Variants in FCHSD2 observed in about 807,000 individuals in gnomAD.
FCHSD2 encodes F-BAR and double SH3 domains protein 2.
Under a neutral mutation model 108.1 loss-of-function variants are expected in FCHSD2, and 38 were observed. The ratio of observed to expected loss-of-function variants is 0.35; its 90% CI spans 0.27 to 0.46. FCHSD2 has a LOEUF of 0.46. FCHSD2 is among the 20% of genes least tolerant of loss of function. FCHSD2 has a pLI of 1.00. For missense variants in FCHSD2, 751 were observed against 897.8 expected (o/e 0.84, Z 2.09); for synonymous variants, 279 against 314.7 (o/e 0.89, Z 1.20).
intron 3 of FCHSD2, among the ~76,000 whole-genome samples, chr11:73,032,830 C>G (rs1039387993): frequency 1.3e-5 from 2 of 152,032 alleles, no homozygotes; most frequent in African/African-American, 2.4e-5. Flanking sequence ...GGGAGAATGG[C>G]TTAAAGGTGA....
rs181787878 is a variant in FCHSD2, at chr11:72,889,253, G to A, written c.1041+576C>T. ...TGGGATTACAGGCGTGAGCCACCGC[G>A]CCCGGCTATAATTATGTCTTTTAAA... On this transcript the variant is annotated intron_variant, in intron 11 of 19. Coordinates refer to ENST00000409418, the MANE Select transcript of FCHSD2 (RefSeq NM_014824.3). Among the ~76,000 whole-genome samples the A allele has an allele frequency of 2.6e-3, 399 of 152,268 alleles. 3 individuals are homozygous for A. Among genetic ancestry groups the A allele is most frequent in the Non-Finnish European group, 4.7e-3 (319 of 68,018 alleles).
At chr11:73,095,039 C>A (rs1860043902) in intron 2 of FCHSD2, among the ~76,000 whole-genome samples, 1 of 152,136 alleles carries the variant, frequency 6.6e-6, no homozygotes, top group Non-Finnish European at 1.5e-5. Flanking sequence ...GAATGAAACA[C>A]AGACCCTGCT....
chr11:72,851,362 G>A (rs980998851), intron 13 of FCHSD2, among the ~76,000 whole-genome samples: 3 of 152,020 alleles, frequency 2.0e-5, no homozygotes, highest in African/African-American at 4.8e-5. Context: ...CAAACGCCTC[G>A]ACACAATCTA....
intron 2 of FCHSD2, among the ~76,000 whole-genome samples, chr11:73,110,225 CCCT>C (rs1276096320): frequency 2.0e-5 from 3 of 151,400 alleles, no homozygotes; most frequent in Non-Finnish European, 4.4e-5. Context: ...TAGGAATATT[CCCT>C]CCTCCTCTAT....
chr11:72,904,445 G>C (rs1855587890), intron 9 of FCHSD2, among the ~76,000 whole-genome samples: 1 of 152,096 alleles, frequency 6.6e-6, no homozygotes, highest in Non-Finnish European at 1.5e-5. Context: ...GACAACAATA[G>C]AATGTATCCT....
At chr11:72,846,425 C>A (rs1861144960) in intron 14 of FCHSD2, among the ~76,000 whole-genome samples, 1 of 152,064 alleles carries the variant, frequency 6.6e-6, no homozygotes, top group African/African-American at 2.4e-5. Context: ...CGCGATTCGC[C>A]CGCCTTGGCC....
intron 2 of FCHSD2, among the ~76,000 whole-genome samples, chr11:73,103,184 T>C (rs1350143860): frequency 1.3e-5 from 2 of 151,868 alleles, no homozygotes; most frequent in Admixed American, 1.3e-4. Flanking sequence ...GTCAACTACA[T>C]ATAATTACTA....
rs184875062 is a variant in FCHSD2, at chr11:73,003,370, T to C, written c.243-2236A>G. On this transcript the variant is annotated intron_variant, in intron 4 of 19. Coordinates refer to ENST00000409418, the MANE Select transcript of FCHSD2 (RefSeq NM_014824.3). ...CAGATTCTTTTAAATGAATACATAG[T>C]AACAGCAGCAGAATTGTAACAAATA... 2.0e-4 allele frequency among the ~76,000 whole-genome samples: 30 copies of C among 152,312 alleles called. No individual in the cohort carries two copies. The East Asian group carries it at 5.4e-3, about 27-fold the overall frequency.
chr11:72,903,482 G>C (rs996514966), intron 9 of FCHSD2, among the ~76,000 whole-genome samples: 7 of 152,152 alleles, frequency 4.6e-5, no homozygotes, highest in African/African-American at 7.2e-5. Flanking sequence ...GCCTCCTAAA[G>C]TGCTGGGATT....
chr11:73,136,181 A>C (rs921915632), intron 2 of FCHSD2, among the ~76,000 whole-genome samples: 1 of 150,512 alleles, frequency 6.6e-6, no homozygotes, highest in Non-Finnish European at 1.5e-5. Flanking sequence ...AAAAAAAAGA[A>C]AGAAAAAAGA....
At position 72,949,058 on chromosome 11, in the gene FCHSD2, T is replaced by C. The variant is rs539291451; in HGVS notation, c.706-27108A>G. ...AGATATTAGTCACACACCATTAAGT[T>C]AATCATTTTAAAGTATACAATGCAG... On this transcript the variant is annotated intron_variant, in intron 8 of 19. Coordinates refer to ENST00000409418, the MANE Select transcript of FCHSD2 (RefSeq NM_014824.3). Among the ~76,000 whole-genome samples, 13 of 152,324 alleles carry C rather than the reference T, an allele frequency of 8.5e-5. No individual in the cohort carries two copies. In the East Asian group the frequency reaches 1.5e-3, roughly 18 times the overall value.
chr11:73,129,585 T>C (rs1860945479), intron 2 of FCHSD2, among the ~76,000 whole-genome samples: 1 of 152,220 alleles, frequency 6.6e-6, no homozygotes, highest in Non-Finnish European at 1.5e-5. Context: ...GACCGTCCAG[T>C]TGCAGAAAAA....
intron 8 of FCHSD2, among the ~76,000 whole-genome samples, chr11:72,949,236 G>T (rs1286343864): frequency 6.6e-6 from 1 of 151,896 alleles, no homozygotes; most frequent in Non-Finnish European, 1.5e-5. Context: ...GATCACCTGA[G>T]GTCAGGAGTT....
intron 12 of FCHSD2, among the ~76,000 whole-genome samples, chr11:72,872,433 T>C (rs1412080068): frequency 1.3e-5 from 2 of 152,110 alleles, no homozygotes; most frequent in Non-Finnish European, 2.9e-5. Context: ...ATGTACCATT[T>C]ACCTATTGTT....
At chr11:73,124,755 C>CA (rs1356819457) in intron 2 of FCHSD2, among the ~76,000 whole-genome samples, 2,013 of 120,764 alleles carry the variant, frequency 0.017, 14 homozygotes, top group African/African-American at 0.032. Flanking sequence ...GACTCTGTCT[C>CA]AAAAAAAAAA....
intron 3 of FCHSD2, among the ~76,000 whole-genome samples, chr11:73,048,283 A>C (rs1307186781): frequency 6.6e-6 from 1 of 152,164 alleles, no homozygotes; most frequent in Non-Finnish European, 1.5e-5. Flanking sequence ...ACCGACACAC[A>C]TATGGGACCC....
intron 3 of FCHSD2, among the ~76,000 whole-genome samples, chr11:73,030,284 T>C (rs1858328095): frequency 1.3e-5 from 2 of 152,092 alleles, no homozygotes; most frequent in South Asian, 2.1e-4. Context: ...GGTACTAGCA[T>C]AGATTCTAGA....
chr11:72,851,748 A>G (rs1002357781), intron 13 of FCHSD2, among the ~76,000 whole-genome samples: 7 of 152,194 alleles, frequency 4.6e-5, no homozygotes, highest in Non-Finnish European at 1.0e-4. Context: ...TCTCAAAACA[A>G]AACAAAAAAT....
At chr11:72,860,523 T>C (rs1861542117) in intron 13 of FCHSD2, among the ~76,000 whole-genome samples, 1 of 152,172 alleles carries the variant, frequency 6.6e-6, no homozygotes, top group African/African-American at 2.4e-5. Flanking sequence ...CACTTTTAAT[T>C]ACCCATCAGT....
Sources: gnomAD v4.1 joint callset for allele counts (sites outside exome capture counted in the v4.1 genomes callset) on GRCh38, gnomAD v4.1.1 for gene constraint, MANE v1.5 for transcripts, NCBI Gene and HGNC (gene_info 2026-07-23, HGNC 2026-07-21) for gene names.